DACH2: variants seen among roughly 807,000 people sequenced by gnomAD.
DACH2 encodes the protein dachshund family transcription factor 2, also known as dachshund homolog 2.
A neutral mutation model predicts 35.8 loss-of-function variants in DACH2; 17 were observed. That is an observed-to-expected ratio of 0.48 (90% CI 0.33 to 0.71). DACH2 has a LOEUF of 0.71. DACH2 is among the 30% of genes least tolerant of loss of function. The pLI, the probability that DACH2 is intolerant of heterozygous loss-of-function variation, is 0.02. For synonymous variants in DACH2, 195 were observed against 177.3 expected (o/e 1.10, Z -0.79); for missense variants, 469 against 472.7 (o/e 0.99, Z 0.07).
chrX:86,602,120 G>T (rs776150363), intron 3 of DACH2, among the ~76,000 whole-genome samples: 1 of 112,008 alleles, frequency 8.9e-6, no homozygotes, highest in Non-Finnish European at 1.9e-5. Flanking sequence ...AGAGATTTAT[G>T]TTATAAATAG....
chrX:86,425,329 A>G (rs900721501), intron 2 of DACH2, among the ~76,000 whole-genome samples: 3 of 110,457 alleles, frequency 2.7e-5, no homozygotes, highest in African/African-American at 9.8e-5. Flanking sequence ...TTACTAGAAG[A>G]CTTTTTATTA....
At chrX:86,250,612 AT>A (rs768955162) in intron 1 of DACH2, among the ~76,000 whole-genome samples, 5 of 111,460 alleles carry the variant, frequency 4.5e-5, no homozygotes, top group African/African-American at 6.5e-5. Flanking sequence ...GTCATTACAC[AT>A]TTTGGAAATG....
intron 1 of DACH2, among the ~76,000 whole-genome samples, chrX:86,291,361 C>T (rs1271721966): frequency 2.3e-5 from 2 of 87,607 alleles, no homozygotes; most frequent in Non-Finnish European, 4.3e-5. Flanking sequence ...ACAATCATGT[C>T]GTCTGCAAAC....
At chrX:86,376,725 G>A (rs1217203343) in intron 1 of DACH2, 99 bp from the exon 2 acceptor site, 4 of 1,041,900 alleles carry the variant, frequency 3.8e-6, no homozygotes, top group Non-Finnish European at 1.2e-6. Flanking sequence ...AAGATGTTTT[G>A]TGAAATATAA....
intron 7 of DACH2, among the ~76,000 whole-genome samples, chrX:86,769,379 A>G (rs2147293361): frequency 8.9e-6 from 1 of 112,395 alleles, no homozygotes; most frequent in South Asian, 3.7e-4. Context: ...AGCAATCTAC[A>G]CATCCTGTGC....
chrX:86,592,891 T>C (rs748826460), intron 3 of DACH2, among the ~76,000 whole-genome samples: 1 of 112,357 alleles, frequency 8.9e-6, no homozygotes, highest in African/African-American at 3.2e-5. Flanking sequence ...CTTGCTGTAA[T>C]TGCTTATTAG....
At chrX:86,797,522 G>A (rs917306597) in intron 7 of DACH2, among the ~76,000 whole-genome samples, 1 of 110,900 alleles carries the variant, frequency 9.0e-6, no homozygotes, top group African/African-American at 3.3e-5. Flanking sequence ...TAGTGTCTTC[G>A]CTTCAACATT....
intron 1 of DACH2, among the ~76,000 whole-genome samples, chrX:86,312,128 G>A (rs778012304): frequency 7.1e-5 from 8 of 112,042 alleles, no homozygotes; most frequent in East Asian, 2.8e-4. Flanking sequence ...ATTATGTACC[G>A]GCTGCAGAAA....
At chrX:86,828,773 C>A (rs1258874482) in intron 11 of DACH2, 2 of 108,771 alleles carry the variant, frequency 1.8e-5, no homozygotes, top group African/African-American at 3.3e-5. Context: ...TGGCTGGGGG[C>A]AGATACCTGT....
At chrX:86,715,748 A>C (rs1054793655) in intron 6 of DACH2, among the ~76,000 whole-genome samples, 21 of 111,619 alleles carry the variant, frequency 1.9e-4, no homozygotes, top group African/African-American at 6.8e-4. Context: ...AACATAGGAG[A>C]ACCACCAAGT....
At chrX:86,271,714 T>G (rs1323728477) in intron 1 of DACH2, among the ~76,000 whole-genome samples, 2 of 112,047 alleles carry the variant, frequency 1.8e-5, no homozygotes, top group Admixed American at 1.9e-4. Flanking sequence ...GACATTTTAA[T>G]GCAAGAGCTA....
At chrX:86,678,843 A>T (rs2040848698) in intron 4 of DACH2, among the ~76,000 whole-genome samples, 1 of 112,252 alleles carries the variant, frequency 8.9e-6, no homozygotes, top group Non-Finnish European at 1.9e-5. Context: ...TATCCCTTTC[A>T]TCTTTGTCAT....
At chrX:86,560,261 T>C (rs2039192055) in intron 3 of DACH2, among the ~76,000 whole-genome samples, 1 of 72,421 alleles carries the variant, frequency 1.4e-5, no homozygotes. Context: ...GAATGTTGAA[T>C]ATTGGCCCCC....
At position 86,203,115 on chromosome X, in the gene DACH2, T is replaced by C. The variant is rs958506367; in HGVS notation, c.488+54007T>C. ...TTTTTCAAGTGAAAGTATAAAGAAT[T>C]TATAGATTGGCTTTCTTGTTCTTGA... On this transcript the variant is annotated intron_variant, in intron 1 of 11. Coordinates refer to ENST00000373125, the MANE Select transcript of DACH2 (RefSeq NM_053281.3). Among the ~76,000 whole-genome samples the C allele has an allele frequency of 2.7e-5, 3 of 111,163 alleles. No homozygotes were observed. The Admixed American group carries it at 2.9e-4, about 11-fold the overall frequency.
chrX:86,398,214 T>C (rs1391856629), intron 2 of DACH2, among the ~76,000 whole-genome samples: 2 of 112,310 alleles, frequency 1.8e-5, no homozygotes, highest in African/African-American at 6.5e-5. Flanking sequence ...AGTTTGTATT[T>C]CTGTGGGATC....
intron 2 of DACH2, among the ~76,000 whole-genome samples, chrX:86,461,917 A>G (rs912699801): frequency 5.4e-5 from 6 of 111,218 alleles, no homozygotes; most frequent in Non-Finnish European, 1.1e-4. Flanking sequence ...TGTCTTATTC[A>G]TTGGGTATAT....
chrX:86,647,450 C>T (rs902305648), intron 3 of DACH2, among the ~76,000 whole-genome samples: 16 of 110,596 alleles, frequency 1.4e-4, no homozygotes, highest in Non-Finnish European at 7.6e-5. Context: ...CATGACACCA[C>T]TTATATGATG....
rs760296496 is a variant in DACH2, at chrX:86,618,488, G to C, written c.641-32548G>C. On this transcript the variant is annotated intron_variant, in intron 3 of 11. Transcript: ENST00000373125. The stretch of plus-strand genomic sequence containing the variant: ...GATAAATGTATCATACATAGTAGGT[G>C]TTCATAATATAGACTTATCGACATA... Among the ~76,000 whole-genome samples, 3 of 111,673 alleles carry C rather than the reference G, an allele frequency of 2.7e-5. No individual in the cohort carries two copies. In the South Asian group the frequency reaches 1.1e-3, roughly 41 times the overall value.
chrX:86,316,541 C>T (rs931869317), intron 1 of DACH2, among the ~76,000 whole-genome samples: 4 of 111,535 alleles, frequency 3.6e-5, no homozygotes, highest in African/African-American at 1.3e-4. Flanking sequence ...TTCACTTGAA[C>T]TGTCTACCCA....
Sources: allele counts gnomAD v4.1 joint callset (sites outside exome capture counted in the v4.1 genomes callset), GRCh38; gene constraint gnomAD v4.1.1; transcripts MANE v1.5; gene names NCBI Gene and HGNC (gene_info 2026-07-23, HGNC 2026-07-21).